The following FAM135A variants were observed in gnomAD, a reference collection of about 807,000 sequenced individuals.
FAM135A encodes protein FAM135A.
In FAM135A, 79 loss-of-function variants were observed where a neutral mutation model predicts 146.8. The ratio of observed to expected loss-of-function variants is 0.54; its 90% CI spans 0.45 to 0.65. FAM135A has a LOEUF of 0.65. Among genes scored for constraint, FAM135A ranks in the 30% least tolerant of loss-of-function variants. The pLI is 0.00. For synonymous variants in FAM135A, 562 were observed against 603.6 expected (o/e 0.93, Z 1.01); for missense variants, 1,623 against 1,758.2 (o/e 0.92, Z 1.38).
intron 12 of FAM135A, among the ~76,000 whole-genome samples, chr6:70,510,695 A>G (rs911451959): frequency 5.9e-5 from 9 of 152,154 alleles, no homozygotes; most frequent in African/African-American, 1.7e-4. Flanking sequence ...CTTTCTACCT[A>G]TTGACTACTA....
intron 1 of FAM135A, among the ~76,000 whole-genome samples, chr6:70,414,971 GTAT>G (rs1218490877): frequency 2.0e-5 from 3 of 152,132 alleles, no homozygotes; most frequent in Admixed American, 6.5e-5. Flanking sequence ...TTTTTAAAAT[GTAT>G]TATTAATTTG....
chr6:70,430,805 C>A (rs1375595371), intron 4 of FAM135A, among the ~76,000 whole-genome samples: 1 of 152,198 alleles, frequency 6.6e-6, no homozygotes, highest in East Asian at 1.9e-4. Flanking sequence ...TATTTTCCAA[C>A]CCAGCAAGTT....
chr6:70,484,013 G>A (rs1285625408), intron 10 of FAM135A, among the ~76,000 whole-genome samples: 3 of 152,180 alleles, frequency 2.0e-5, no homozygotes, highest in Non-Finnish European at 4.4e-5. Flanking sequence ...GCAAAGGTGA[G>A]ATTATCCAAA....
At chr6:70,549,183 A>G (rs1463751901) in intron 20 of FAM135A, among the ~76,000 whole-genome samples, 2 of 152,266 alleles carry the variant, frequency 1.3e-5, no homozygotes, top group South Asian at 2.1e-4. Context: ...GGTAAAGGCT[A>G]TTCATTACAG....
At chr6:70,507,391 T>TTGTACACTGTACAC in intron 12 of FAM135A, among the ~76,000 whole-genome samples, 1 of 152,154 alleles carries the variant, frequency 6.6e-6, no homozygotes, top group Non-Finnish European at 1.5e-5. Context: ...CATTCAGTGT[T>TTGTACACTGTACAC]TGTACAGGGA....
At chr6:70,487,398 T>C (rs1010221359) in intron 10 of FAM135A, among the ~76,000 whole-genome samples, 18 of 152,152 alleles carry the variant, frequency 1.2e-4, no homozygotes, top group Admixed American at 4.6e-4. Context: ...CAGTAAACCA[T>C]CACAATTTTT....
chr6:70,501,746 C>G (rs1477635275), intron 11 of FAM135A, among the ~76,000 whole-genome samples: 1 of 152,140 alleles, frequency 6.6e-6, no homozygotes, highest in African/African-American at 2.4e-5. Flanking sequence ...CCCCTGGCTT[C>G]TCGTAACGCC....
chr6:70,530,363 T>G (rs188095611), intron 16 of FAM135A, among the ~76,000 whole-genome samples: 1 of 152,152 alleles, frequency 6.6e-6, no homozygotes, highest in Non-Finnish European at 1.5e-5. Flanking sequence ...AGAAAACTTA[T>G]AGTTTTTGGT....
chr6:70,477,667 G>A (rs771695137), intron 8 of FAM135A, among the ~76,000 whole-genome samples: 4 of 152,112 alleles, frequency 2.6e-5, no homozygotes, highest in Non-Finnish European at 4.4e-5. Flanking sequence ...TAAACCATTC[G>A]TGAGAAATCT....
At chr6:70,510,719 G>C (rs992636547) in intron 12 of FAM135A, among the ~76,000 whole-genome samples, 1 of 151,994 alleles carries the variant, frequency 6.6e-6, no homozygotes, top group African/African-American at 2.4e-5. Context: ...ATAGTTGCTG[G>C]TATGAAAATT....
At position 70,413,664 on chromosome 6, in the gene FAM135A, C is replaced by T; in HGVS notation, c.-258C>T. ...CTTGCAGCTGGACAACGAGCTCCTCCGTTCGACAGGCGGGGGAAGAGGCCG... is the reference window on the plus strand; with the variant it reads ...CTTGCAGCTGGACAACGAGCTCCTCTGTTCGACAGGCGGGGGAAGAGGCCG... On this transcript the variant is annotated 5_prime_UTR_variant, in exon 1 of 22. Transcript: ENST00000418814. 2 of 336,064 alleles carry T rather than the reference C, an allele frequency of 6.0e-6. No individual in the cohort carries two copies. The highest frequency in any genetic ancestry group is 8.5e-6 in the Non-Finnish European group (2 of 235,908). 20.8% of individuals were successfully genotyped at this position (336,064 alleles called of 1,614,324 possible). A position where few individuals can be genotyped will look rare whatever the true frequency, so the allele number is the denominator to read the frequency against.
intron 9 of FAM135A, 44 bp downstream of exon 9, chr6:70,481,071 G>T: frequency 1.3e-6 from 2 of 1,484,814 alleles, no homozygotes; most frequent in African/African-American, 1.4e-5. Flanking sequence ...TATTTTAAAA[G>T]AAGTGTTTTT....
intron 9 of FAM135A, among the ~76,000 whole-genome samples, chr6:70,481,406 T>C (rs1783679722): frequency 6.6e-6 from 1 of 152,156 alleles, no homozygotes; most frequent in Non-Finnish European, 1.5e-5. Flanking sequence ...CCCAACACTT[T>C]GGAAGGCTTA....
intron 10 of FAM135A, among the ~76,000 whole-genome samples, chr6:70,487,060 GCA>G: frequency 8.1e-6 from 1 of 123,430 alleles, no homozygotes. Context: ...TCCAGCCTGG[GCA>G]AGAGAGTCGG....
chr6:70,538,481 C>A, intron 20 of FAM135A, 80 bp downstream of exon 20: 1 of 765,168 alleles, frequency 1.3e-6, no homozygotes, highest in Non-Finnish European at 1.9e-6. Flanking sequence ...AAATTATCAA[C>A]ATGTCTTTCT....
At chr6:70,441,340 A>T (rs1774422713) in intron 4 of FAM135A, among the ~76,000 whole-genome samples, 1 of 152,130 alleles carries the variant, frequency 6.6e-6, no homozygotes, top group Non-Finnish European at 1.5e-5. Context: ...GTAAGCTGAG[A>T]TGGCGCTACT....
intron 11 of FAM135A, among the ~76,000 whole-genome samples, chr6:70,496,908 G>T (rs748034652): frequency 6.6e-6 from 1 of 152,050 alleles, no homozygotes; most frequent in African/African-American, 2.4e-5. Flanking sequence ...GGTTACTGTA[G>T]CCTTGCAGTG....
intron 2 of FAM135A, among the ~76,000 whole-genome samples, chr6:70,421,957 A>G (rs1402102294): frequency 6.6e-6 from 1 of 152,176 alleles, no homozygotes; most frequent in African/African-American, 2.4e-5. Flanking sequence ...ATCTGGGTAA[A>G]AGGAAAAAAG....
intron 12 of FAM135A, among the ~76,000 whole-genome samples, chr6:70,514,801 T>G (rs570612659): frequency 1.4e-4 from 22 of 152,304 alleles, no homozygotes; most frequent in Non-Finnish European, 3.2e-4. Context: ...TTCATGACTT[T>G]CACTTCCAAG....
Sources: gnomAD v4.1 joint callset for allele counts (sites outside exome capture counted in the v4.1 genomes callset) on GRCh38, gnomAD v4.1.1 for gene constraint, MANE v1.5 for transcripts, NCBI Gene and HGNC (gene_info 2026-07-23, HGNC 2026-07-21) for gene names.